The following ATF7IP variants were observed in gnomAD, a reference collection of about 807,000 sequenced individuals.
ATF7IP encodes activating transcription factor 7-interacting protein 1.
ATF7IP carries 23 observed loss-of-function variants against 106.4 expected under a neutral mutation model. The ratio of observed to expected loss-of-function variants is 0.22; its 90% CI spans 0.16 to 0.31. ATF7IP has a LOEUF of 0.31. Among genes scored for constraint, ATF7IP ranks in the 10% least tolerant of loss-of-function variants. ATF7IP has a pLI of 1.00. For missense variants in ATF7IP, 1,334 were observed against 1,524.3 expected (o/e 0.88, Z 2.08); for synonymous variants, 542 against 539.0 (o/e 1.01, Z -0.08).
intron 2 of ATF7IP, among the ~76,000 whole-genome samples, chr12:14,431,880 A>C (rs1942158095): frequency 6.6e-6 from 1 of 152,174 alleles, no homozygotes; most frequent in South Asian, 2.1e-4. Flanking sequence ...ATAAGGCCCT[A>C]CCCGTCTCTG....
intron 1 of ATF7IP, among the ~76,000 whole-genome samples, chr12:14,385,733 T>C (rs1359622443): frequency 6.6e-6 from 1 of 152,116 alleles, no homozygotes; most frequent in Non-Finnish European, 1.5e-5. Flanking sequence ...ATTAAAACAA[T>C]ATATTATCTG....
Position 14,479,108 on chromosome 12 carries a change from C to G in ATF7IP, c.3097+636C>G, listed in dbSNP as rs558050138. Among the ~76,000 whole-genome samples, 13 of 152,138 alleles carry G rather than the reference C, an allele frequency of 8.5e-5. No homozygotes were observed. The South Asian group carries it at 2.7e-3, about 32-fold the overall frequency. On this transcript the variant is annotated intron_variant, in intron 12 of 14. Coordinates refer to ENST00000261168, the MANE Select transcript of ATF7IP (RefSeq NM_018179.5). ...ACCAGCCTGGGCAACACAGTGAAAC[C>G]CCGTCTCTACAAAAAATTTAAAAAT... is the stretch of plus-strand genomic sequence containing the variant.
chr12:14,486,775 A>T (rs548982480), intron 13 of ATF7IP, among the ~76,000 whole-genome samples: 56 of 152,166 alleles, frequency 3.7e-4, no homozygotes, highest in Non-Finnish European at 6.5e-4. Flanking sequence ...GCCCCTGCCA[A>T]CTTAGGATCC....
chr12:14,472,316 T>C (rs1376329338), intron 10 of ATF7IP, among the ~76,000 whole-genome samples: 1 of 148,436 alleles, frequency 6.7e-6, no homozygotes, highest in African/African-American at 2.6e-5. Flanking sequence ...ATGAAAAGCA[T>C]GAAAAAGCAT....
chr12:14,464,486 T>C lies in ATF7IP; in HGVS notation c.2798-2040T>C, dbSNP rs1317368373. On this transcript the variant is annotated intron_variant, in intron 9 of 14. Coordinates refer to ENST00000261168, the MANE Select transcript of ATF7IP (RefSeq NM_018179.5). ...TGCCAGTTTAACTCCTGTAAAGTGC[T>C]TTTTAATTTTATTTACTTTTATTTG... is the stretch of plus-strand genomic sequence containing the variant. Among the ~76,000 whole-genome samples, 5 of 152,238 alleles carry C rather than the reference T, an allele frequency of 3.3e-5. No individual in the cohort carries two copies. In the East Asian group the frequency reaches 5.8e-4, roughly 18 times the overall value.
chr12:14,376,593 A>G (rs2136402201), intron 1 of ATF7IP, among the ~76,000 whole-genome samples: 1 of 152,334 alleles, frequency 6.6e-6, no homozygotes, highest in South Asian at 2.1e-4. Context: ...CCACTACCAG[A>G]AACCGCATCA....
chr12:14,432,727 G>A (rs1942200439), intron 2 of ATF7IP, among the ~76,000 whole-genome samples: 1 of 152,118 alleles, frequency 6.6e-6, no homozygotes, highest in Non-Finnish European at 1.5e-5. Flanking sequence ...GATGATTGGA[G>A]AAGAAATGTC....
intron 1 of ATF7IP, among the ~76,000 whole-genome samples, chr12:14,375,609 A>T (rs988603927): frequency 1.3e-5 from 2 of 152,242 alleles, no homozygotes; most frequent in Non-Finnish European, 2.9e-5. Flanking sequence ...TCAGTTAGTT[A>T]TACAGTGAAG....
chr12:14,495,888 A>G (rs1399441763), intron 13 of ATF7IP, among the ~76,000 whole-genome samples: 1 of 152,160 alleles, frequency 6.6e-6, no homozygotes, highest in Non-Finnish European at 1.5e-5. Context: ...TTCTCCTGGT[A>G]ACGATCCATT....
At chr12:14,475,995 A>G (rs376301433) in intron 11 of ATF7IP, 27 bp downstream of exon 11, 1 of 1,565,686 alleles carries the variant, frequency 6.4e-7, no homozygotes, top group South Asian at 1.1e-5. Flanking sequence ...TGTACTAAGC[A>G]ACGTTTTGAT....
intron 2 of ATF7IP, among the ~76,000 whole-genome samples, chr12:14,426,460 G>C (rs903488196): frequency 2.0e-5 from 3 of 150,384 alleles, no homozygotes; most frequent in African/African-American, 7.3e-5. Context: ...AAGAGACAGA[G>C]ACAACTTTTT....
intron 1 of ATF7IP, among the ~76,000 whole-genome samples, chr12:14,370,125 C>T (rs540223215): frequency 4.6e-5 from 7 of 152,100 alleles, no homozygotes; most frequent in African/African-American, 9.6e-5. Context: ...TTAGTAGAGA[C>T]GAGGTTTCTC....
At chr12:14,428,519 A>G (rs1211253979) in intron 2 of ATF7IP, among the ~76,000 whole-genome samples, 1 of 152,204 alleles carries the variant, frequency 6.6e-6, no homozygotes, top group Non-Finnish European at 1.5e-5. Context: ...TGGCGACAGA[A>G]TCTGTTGCAT....
At chr12:14,428,586 T>A (rs2136575018) in intron 2 of ATF7IP, among the ~76,000 whole-genome samples, 1 of 152,334 alleles carries the variant, frequency 6.6e-6, no homozygotes, top group Non-Finnish European at 1.5e-5. Flanking sequence ...GCCTTTATTC[T>A]TGACTAATTT....
intron 6 of ATF7IP, among the ~76,000 whole-genome samples, chr12:14,453,339 C>G (rs1212170800): frequency 6.6e-6 from 1 of 152,060 alleles, no homozygotes; most frequent in African/African-American, 2.4e-5. Context: ...TGTTGGTGTC[C>G]CAAAAGTCCT....
intron 2 of ATF7IP, among the ~76,000 whole-genome samples, chr12:14,433,779 T>G (rs1433878611): frequency 6.6e-6 from 1 of 152,204 alleles, no homozygotes; most frequent in Non-Finnish European, 1.5e-5. Context: ...ATGTGATAAC[T>G]ATATTAAGCA....
intron 2 of ATF7IP, among the ~76,000 whole-genome samples, chr12:14,429,834 A>AT (rs2136582346): frequency 6.6e-6 from 1 of 152,268 alleles, no homozygotes; most frequent in East Asian, 1.9e-4. Context: ...CAAGTTGCAG[A>AT]TTTTTCTTTT....
Position 14,502,375 on chromosome 12 carries a change from T to A in ATF7IP, c.*4302T>A, listed in dbSNP as rs1304722993. 1 of 152,120 alleles carries A rather than the reference T, an allele frequency of 6.6e-6. No individual in the cohort carries two copies. The allele number at this position is 152,120 out of a possible 1,614,324, so 9.4% of individuals were successfully genotyped here. A position where few individuals can be genotyped will look rare whatever the true frequency, so the allele number is the denominator to read the frequency against. On this transcript the variant is annotated 3_prime_UTR_variant, in exon 15 of 15. Transcript: ENST00000261168. ...TCATTCATCCCCTTGAGCCAGCCAA[T>A]GGGGAGGAATAGGATAATGCAAACA...
chr12:14,432,495 G>T (rs150163340), intron 2 of ATF7IP, among the ~76,000 whole-genome samples: 1 of 152,274 alleles, frequency 6.6e-6, no homozygotes, highest in African/African-American at 2.4e-5. Context: ...GGTAGTAAAT[G>T]GAGAGTTAAT....
Sources: allele counts gnomAD v4.1 joint callset (sites outside exome capture counted in the v4.1 genomes callset), GRCh38; gene constraint gnomAD v4.1.1; transcripts MANE v1.5; gene names NCBI Gene and HGNC (gene_info 2026-07-23, HGNC 2026-07-21).